The following BUB1B variants were observed in gnomAD, a reference collection of about 807,000 sequenced individuals.
The protein encoded by BUB1B is mitotic checkpoint serine/threonine-protein kinase BUB1 beta.
In BUB1B, 86 loss-of-function variants were observed where a neutral mutation model predicts 137.7. The observed-to-expected ratio is 0.62, with a 90% confidence interval of 0.52 to 0.75. The LOEUF (loss-of-function observed/expected upper bound fraction) is 0.75, where lower values mean the gene tolerates loss of function less well. Ranked by LOEUF, BUB1B falls within the 30% of genes least tolerant of loss-of-function variation. The pLI is 0.00. For synonymous variants in BUB1B, 420 were observed against 417.9 expected (o/e 1.00, Z -0.06); for missense variants, 1,130 against 1,236.9 (o/e 0.91, Z 1.30).
At chr15:40,206,147 A>G in intron 14 of BUB1B, 37 bp from the exon 15 acceptor site, 3 of 1,611,644 alleles carry the variant, frequency 1.9e-6, no homozygotes, top group Non-Finnish European at 2.5e-6. Flanking sequence ...CATGTATTGA[A>G]ATATTTTAGC....
intron 5 of BUB1B, among the ~76,000 whole-genome samples, chr15:40,177,972 C>T (rs1190353893): frequency 2.0e-5 from 3 of 151,226 alleles, no homozygotes; most frequent in African/African-American, 7.3e-5. Context: ...TATGTCTTCT[C>T]AGTCTGGCTT....
intron 1 of BUB1B, among the ~76,000 whole-genome samples, chr15:40,162,831 A>G (rs1014335353): frequency 1.3e-5 from 2 of 152,172 alleles, no homozygotes; most frequent in African/African-American, 2.4e-5. Flanking sequence ...AGATGAATTC[A>G]ACAAACAGGG....
In BUB1B at chr15:40,161,102, G is replaced by T; in HGVS notation, c.-119G>T. 1 of 1,348,384 alleles carries T rather than the reference G, an allele frequency of 7.4e-7. No homozygotes were observed. Among genetic ancestry groups the T allele is most frequent in the Non-Finnish European group, 1.0e-6 (1 of 980,834 alleles). 83.5% of individuals were successfully genotyped at this position (1,348,384 alleles called of 1,614,324 possible). On this transcript the variant is annotated 5_prime_UTR_variant, in exon 1 of 23. Transcript: ENST00000287598. ...GAGGTGGCCGGTTTGTTAGGGAGTC[G>T]TGTACGTGCCTTGGTCGCTTCTGTA...
chr15:40,177,049 T>C (rs1595514813), intron 5 of BUB1B, among the ~76,000 whole-genome samples: 1 of 152,230 alleles, frequency 6.6e-6, no homozygotes, highest in South Asian at 2.1e-4. Flanking sequence ...TCGTATAATA[T>C]ATAGCCTTTT....
chr15:40,211,624 T>A lies in BUB1B; in HGVS notation c.2386-875T>A, dbSNP rs148324532. Among the ~76,000 whole-genome samples, 404 of 152,168 alleles carry A rather than the reference T, an allele frequency of 2.7e-3. 7 individuals carry two copies. The highest frequency in any genetic ancestry group is 0.021 in the Admixed American group (319 of 15,282). ...CATCTTAACTGCTGCATATATAACA[T>A]CTGATATATATACTTTTTCCTGTTT... On this transcript the variant is annotated intron_variant, in intron 18 of 22. Coordinates refer to ENST00000287598, the MANE Select transcript of BUB1B (RefSeq NM_001211.6).
rs1437990213 is a variant in BUB1B, at chr15:40,200,941, C to T, written c.1528C>T (p.Leu510Phe). Residue 510 changes from leucine (L) to phenylalanine (F), a missense_variant, in exon 12 of 23, where the codon CTT becomes TTT. Physicochemically the swap from Leu to Phe is conservative, Grantham distance 22. Transcript: ENST00000287598. Reference sequence around the variant, plus strand: ...CAAGTTTCTTTACAGAGAAACTTCACTTGCGGAGAACATTTGGCAGGAACA... The same window carrying T: ...CAAGTTTCTTTACAGAGAAACTTCATTTGCGGAGAACATTTGGCAGGAACA... ...QVNCCARETS[L>F]AENIWQEQPH... 2 of 1,613,328 alleles carry T rather than the reference C, an allele frequency of 1.2e-6. No individual in the cohort carries two copies. Among genetic ancestry groups the T allele is most frequent in the Middle Eastern group, 1.7e-4 (1 of 6,054 alleles).
At chr15:40,218,817 A>G (rs1429262058) in intron 22 of BUB1B, among the ~76,000 whole-genome samples, 1 of 152,226 alleles carries the variant, frequency 6.6e-6, no homozygotes, top group Non-Finnish European at 1.5e-5. Flanking sequence ...GACTACAGCT[A>G]TAGTATGGAA....
At chr15:40,163,619 TC>T (rs2140877684) in intron 1 of BUB1B, among the ~76,000 whole-genome samples, 1 of 152,318 alleles carries the variant, frequency 6.6e-6, no homozygotes, top group African/African-American at 2.4e-5. Flanking sequence ...ATTCACTGAT[TC>T]GCCAAAAATT....
At chr15:40,183,560 CTT>C (rs2037321881) in intron 5 of BUB1B, among the ~76,000 whole-genome samples, 152 bp from the exon 6 acceptor site, 1 of 152,204 alleles carries the variant, frequency 6.6e-6, no homozygotes, top group African/African-American at 2.4e-5. Context: ...AGGTGACTCT[CTT>C]TACTTCTGAG....
chr15:40,181,892 A>T (rs1348491540), intron 5 of BUB1B, among the ~76,000 whole-genome samples: 1 of 152,148 alleles, frequency 6.6e-6, no homozygotes, highest in African/African-American at 2.4e-5. Flanking sequence ...CTCATGGAAC[A>T]TAGTTATATT....
rs1401587687 is a variant in BUB1B at position 40,220,591 on chromosome 15, A to C, written c.2985A>C (p.Lys995Asn). 3.1e-6 allele frequency: 5 copies of C among 1,614,212 alleles called. No individual in the cohort carries two copies. The South Asian group carries it at 5.5e-5, about 18-fold the overall frequency. ...TAAAAGATGGTGAATTGTGGAATAA[A>C]TTCTTTGTGCGGATTCTGAATGCCA... is the stretch of plus-strand genomic sequence containing the variant. ...SELKDGELWN[K>N]FFVRILNAND... Residue 995 changes from lysine to asparagine, a missense_variant, in exon 23 of 23, where the codon AAA becomes AAC. Coordinates refer to ENST00000287598, the MANE Select transcript of BUB1B (RefSeq NM_001211.6).
At chr15:40,203,313 C>T (rs8026738) in intron 14 of BUB1B, among the ~76,000 whole-genome samples, 82,640 of 152,070 alleles carry the variant, frequency 0.54, 22,867 homozygotes, top group African/African-American at 0.58. Flanking sequence ...AGACCACATA[C>T]TATATGATCT....
intron 2 of BUB1B, among the ~76,000 whole-genome samples, chr15:40,169,262 T>C (rs2037134217): frequency 6.6e-6 from 1 of 152,196 alleles, no homozygotes; most frequent in South Asian, 2.1e-4. Context: ...CTCTGACCAA[T>C]GTTACCCATG....
At chr15:40,188,948 T>C (rs924806986) in intron 8 of BUB1B, among the ~76,000 whole-genome samples, 2 of 152,100 alleles carry the variant, frequency 1.3e-5, no homozygotes, top group Non-Finnish European at 2.9e-5. Context: ...TTTTAGTATG[T>C]TCACAGAGTT....
rs1461320044 is a variant in BUB1B at position 40,210,101 on chromosome 15, T to C, written c.2285-9T>C. The C allele has an allele frequency of 1.3e-6, 2 of 1,587,460 alleles. No homozygotes were observed. The highest frequency in any genetic ancestry group is 2.2e-5 in the East Asian group (1 of 44,698). ...GTGATTTTTAAATGGAATCAAACTTTCTCAACAGGTAATGAGGATTACTGC... is the reference window on the plus strand; with the variant it reads ...GTGATTTTTAAATGGAATCAAACTTCCTCAACAGGTAATGAGGATTACTGC... On this transcript the variant is annotated splice_polypyrimidine_tract_variant and intron_variant, in intron 17 of 22. Transcript: ENST00000287598.
Position 40,213,440 on chromosome 15 carries a change from G to A in BUB1B, c.2644G>A (p.Asp882Asn). The A allele has an allele frequency of 6.2e-7, 1 of 1,614,184 alleles. No individual in the cohort carries two copies. The highest frequency in any genetic ancestry group is 8.5e-7 in the Non-Finnish European group (1 of 1,180,024). ...ACACAAAGCAGAAATAGTCCATGGTGACTTGAGTCCAAGGTGTCTGATTCT... is the reference window on the plus strand; with the variant it reads ...ACACAAAGCAGAAATAGTCCATGGTAACTTGAGTCCAAGGTGTCTGATTCT... ...MLHKAEIVHG[D>N]LSPRCLILRN... is the part of the protein sequence containing the mutation. Residue 882 changes from aspartate (D) to asparagine (N), a missense_variant, in exon 20 of 23, where the codon GAC becomes AAC. Physicochemically the swap from Asp to Asn is conservative, Grantham distance 23. Transcript: ENST00000287598.
At chr15:40,178,737 C>T (rs1420376832) in intron 5 of BUB1B, among the ~76,000 whole-genome samples, 1 of 152,046 alleles carries the variant, frequency 6.6e-6, no homozygotes, top group Non-Finnish European at 1.5e-5. Flanking sequence ...CTTTTAGATG[C>T]ATAAACATTT....
chr15:40,179,859 A>G (rs1478227648), intron 5 of BUB1B, among the ~76,000 whole-genome samples: 1 of 152,010 alleles, frequency 6.6e-6, no homozygotes, highest in Non-Finnish European at 1.5e-5. Flanking sequence ...CTTTATAACC[A>G]TAAAAGTTCC....
chr15:40,203,121 G>C (rs373504044), intron 14 of BUB1B, among the ~76,000 whole-genome samples: 1 of 151,990 alleles, frequency 6.6e-6, no homozygotes, highest in Non-Finnish European at 1.5e-5. Flanking sequence ...GTTCATAGCC[G>C]TATTACTCAT....
Sources: allele counts gnomAD v4.1 joint callset (sites outside exome capture counted in the v4.1 genomes callset), GRCh38; gene constraint gnomAD v4.1.1; transcripts MANE v1.5; gene names NCBI Gene and HGNC (gene_info 2026-07-23, HGNC 2026-07-21).